The following MACROD2 variants were observed in gnomAD, a reference collection of about 807,000 sequenced individuals.
MACROD2 encodes ADP-ribose glycohydrolase MACROD2.
Under a neutral mutation model 70.4 loss-of-function variants are expected in MACROD2, and 36 were observed. The observed-to-expected ratio is 0.51, with a 90% CI of 0.39 to 0.68. The LOEUF is 0.68. Ranked by LOEUF, MACROD2 falls within the 30% of genes least tolerant of loss-of-function variation. The pLI is 0.00. For synonymous variants in MACROD2, 172 were observed against 178.8 expected, an observed-to-expected ratio of 0.96 and a Z score of 0.30; for missense variants, 496 against 538.4, an observed-to-expected ratio of 0.92 and a Z score of 0.78.
chr20:14,570,633 A>G (rs536935656), intron 4 of MACROD2, among the ~76,000 whole-genome samples: 1 of 152,026 alleles, frequency 6.6e-6, no homozygotes, highest in African/African-American at 2.4e-5. Context: ...AAAGTTTTAA[A>G]CTCTCTTAGC....
chr20:14,672,201 A>T, intron 4 of MACROD2, among the ~76,000 whole-genome samples: 1 of 150,804 alleles, frequency 6.6e-6, no homozygotes, highest in East Asian at 1.9e-4. Flanking sequence ...GGCCTCACTC[A>T]TATGTCTGGT....
intron 8 of MACROD2, among the ~76,000 whole-genome samples, chr20:15,818,868 C>CT (rs1483321925): frequency 6.6e-6 from 1 of 152,102 alleles, no homozygotes; most frequent in Non-Finnish European, 1.5e-5. Flanking sequence ...CAAGAAGTCA[C>CT]GAACTGTGGC....
At chr20:15,000,710 A>G (rs750063833) in intron 5 of MACROD2, among the ~76,000 whole-genome samples, 1 of 150,980 alleles carries the variant, frequency 6.6e-6, no homozygotes, top group African/African-American at 2.4e-5. Context: ...ATCCAGCCAT[A>G]CAAGGTAGGA....
chr20:15,287,576 G>T (rs1489107997), intron 6 of MACROD2, among the ~76,000 whole-genome samples: 1 of 152,162 alleles, frequency 6.6e-6, no homozygotes, highest in East Asian at 1.9e-4. Flanking sequence ...TTTTATGATG[G>T]ACATAAATTC....
At chr20:15,078,851 G>T (rs1019668655) in intron 5 of MACROD2, among the ~76,000 whole-genome samples, 2 of 151,600 alleles carry the variant, frequency 1.3e-5, no homozygotes, top group Admixed American at 6.6e-5. Flanking sequence ...TTGTCATATT[G>T]GTCAGGCTGG....
intron 10 of MACROD2, among the ~76,000 whole-genome samples, chr20:15,914,271 C>A (rs1262662365): frequency 6.6e-6 from 1 of 152,190 alleles, no homozygotes; most frequent in Non-Finnish European, 1.5e-5. Flanking sequence ...AGAGCAATTT[C>A]TGTTGTCCTT....
chr20:14,611,800 T>C (rs1248952924), intron 4 of MACROD2, among the ~76,000 whole-genome samples: 1 of 152,146 alleles, frequency 6.6e-6, no homozygotes, highest in Non-Finnish European at 1.5e-5. Context: ...GTATTATGAC[T>C]GAAATATTAA....
rs112665234 is a variant in MACROD2, at chr20:15,704,246, C to A, written c.646-158499C>A. ...TGACACCTTCTCTGAATCCTTTAGC[C>A]TGAAGAAATTGCATCTTCCATTGTT... On this transcript the variant is annotated intron_variant, in intron 8 of 17. Coordinates refer to ENST00000684519, the MANE Select transcript of MACROD2 (RefSeq NM_001351661.2). 9.2e-4 allele frequency among the ~76,000 whole-genome samples: 140 copies of A among 152,198 alleles called. 1 individual carries two copies. The highest frequency in any genetic ancestry group is 3.3e-3 in the African/African-American group (135 of 41,504).
At chr20:14,789,678 G>A (rs997257215) in intron 5 of MACROD2, among the ~76,000 whole-genome samples, 2 of 151,386 alleles carry the variant, frequency 1.3e-5, no homozygotes, top group African/African-American at 4.9e-5. Flanking sequence ...GTTTCACTAT[G>A]TTAGCCAGGT....
intron 5 of MACROD2, among the ~76,000 whole-genome samples, chr20:15,209,929 G>T (rs749292882): frequency 2.0e-5 from 3 of 152,160 alleles, no homozygotes; most frequent in Non-Finnish European, 2.9e-5. Flanking sequence ...TCTCCATAGA[G>T]TTTATTTGTA....
At chr20:14,882,655 A>T (rs2073623360) in intron 5 of MACROD2, among the ~76,000 whole-genome samples, 2 of 152,224 alleles carry the variant, frequency 1.3e-5, no homozygotes, top group South Asian at 4.1e-4. Flanking sequence ...GTTAAAACAG[A>T]TGAATAAGAT....
At chr20:16,017,483 A>C (rs2066944803) in intron 15 of MACROD2, among the ~76,000 whole-genome samples, 1 of 152,200 alleles carries the variant, frequency 6.6e-6, no homozygotes, top group South Asian at 2.1e-4. Flanking sequence ...AACTGGTTGA[A>C]TTTCTAGAAC....
intron 4 of MACROD2, among the ~76,000 whole-genome samples, chr20:14,624,690 C>T (rs74483119): frequency 0.02 from 3,059 of 152,260 alleles, 43 homozygotes; most frequent in Non-Finnish European, 0.03. Flanking sequence ...GAGCAGGTGG[C>T]CCCTTTCCAC....
intron 5 of MACROD2, among the ~76,000 whole-genome samples, chr20:14,845,549 C>T (rs1244184067): frequency 1.3e-5 from 2 of 151,968 alleles, no homozygotes; most frequent in Non-Finnish European, 2.9e-5. Context: ...AATTCTTTTG[C>T]AGTTCTAAGG....
Position 15,353,029 on chromosome 20 carries a change from G to T in MACROD2, c.541-78376G>T, listed in dbSNP as rs1450485488. Among the ~76,000 whole-genome samples the T allele has an allele frequency of 5.9e-5, 9 of 151,820 alleles. No homozygotes were observed. The South Asian group carries it at 6.3e-4, about 11-fold the overall frequency. On this transcript the variant is annotated intron_variant, in intron 6 of 17. Transcript: ENST00000684519. ...TTAAAGTTCATATGGAACCAAAAAA[G>T]AGCCCGCATTGCCAAGTCAATCCTG...
At chr20:15,890,628 G>A (rs1029814692) in intron 10 of MACROD2, among the ~76,000 whole-genome samples, 2 of 152,134 alleles carry the variant, frequency 1.3e-5, no homozygotes, top group Non-Finnish European at 2.9e-5. Context: ...CCTGGCTGTG[G>A]TAATAACCTT....
At chr20:15,808,183 T>C (rs1204115265) in intron 8 of MACROD2, among the ~76,000 whole-genome samples, 1 of 152,158 alleles carries the variant, frequency 6.6e-6, no homozygotes, top group African/African-American at 2.4e-5. Context: ...TTGCCGATGC[T>C]CCCGGCCGAA....
At chr20:15,559,448 C>A (rs902236937) in intron 8 of MACROD2, among the ~76,000 whole-genome samples, 2 of 152,062 alleles carry the variant, frequency 1.3e-5, no homozygotes, top group Non-Finnish European at 2.9e-5. Context: ...ATATTGAAAT[C>A]GCAATCTTAT....
chr20:14,832,197 C>G (rs2122239289), intron 5 of MACROD2, among the ~76,000 whole-genome samples: 1 of 151,816 alleles, frequency 6.6e-6, no homozygotes, highest in South Asian at 2.1e-4. Context: ...TGCCCGCCAC[C>G]ATGGCCGGCT....
Sources: allele counts gnomAD v4.1 joint callset (sites outside exome capture counted in the v4.1 genomes callset), GRCh38; gene constraint gnomAD v4.1.1; transcripts MANE v1.5; gene names NCBI Gene and HGNC (gene_info 2026-07-23, HGNC 2026-07-21).